OTOP1: variants seen among roughly 807,000 people sequenced by gnomAD.
The protein encoded by OTOP1 is otopetrin 1.
Under a neutral mutation model 52.9 loss-of-function variants are expected in OTOP1, and 59 were observed. The observed-to-expected ratio is 1.12, with a 90% confidence interval of 0.91 to 1.39. The LOEUF (loss-of-function observed/expected upper bound fraction) is 1.39, where lower values mean the gene tolerates loss of function less well. Ranked by LOEUF, OTOP1 falls within the 40% of genes most tolerant of loss-of-function variation. The pLI, the probability that OTOP1 is intolerant of heterozygous loss-of-function variation, is 0.00. For synonymous variants in OTOP1, 317 were observed against 337.7 expected (o/e 0.94, Z 0.67); for missense variants, 761 against 800.9 (o/e 0.95, Z 0.60).
intron 1 of OTOP1, among the ~76,000 whole-genome samples, chr4:4,225,413 A>T (rs566746249): frequency 6.6e-6 from 1 of 152,242 alleles, no homozygotes; most frequent in East Asian, 1.9e-4. Flanking sequence ...ACAAAATATA[A>T]CAAAACTTAG....
At chr4:4,209,758 C>T (rs926684018) in intron 2 of OTOP1, among the ~76,000 whole-genome samples, 1 of 152,168 alleles carries the variant, frequency 6.6e-6, no homozygotes, top group African/African-American at 2.4e-5. Flanking sequence ...TGAAGTCACA[C>T]AGCTGTGGTT....
chr4:4,211,733 C>T (rs894652883), intron 2 of OTOP1, among the ~76,000 whole-genome samples: 2 of 151,896 alleles, frequency 1.3e-5, no homozygotes, highest in East Asian at 1.9e-4. Context: ...CTGCACTCCA[C>T]CCTGGGCAAC....
chr4:4,214,125 T>C (rs191417314), intron 1 of OTOP1, among the ~76,000 whole-genome samples: 10 of 152,074 alleles, frequency 6.6e-5, no homozygotes, highest in East Asian at 5.8e-4. Context: ...CAAAAGCCAA[T>C]TGAAAAATTG....
intron 1 of OTOP1, among the ~76,000 whole-genome samples, chr4:4,215,531 C>T (rs1717124606): frequency 6.6e-6 from 1 of 151,986 alleles, no homozygotes; most frequent in South Asian, 2.1e-4. Context: ...TGTGGTGGTA[C>T]ATGCCTGTAA....
chr4:4,188,857 A>C lies in OTOP1; in HGVS notation c.1785T>G (p.Ile595Met). The C allele has an allele frequency of 1.1e-5, 17 of 1,613,970 alleles. No homozygotes were observed. Among genetic ancestry groups the C allele is most frequent in the Non-Finnish European group, 1.4e-5 (17 of 1,179,854 alleles). The change falls in exon 6 of 6, where the codon ATT (isoleucine) becomes ATG (methionine). Residue 595 changes from isoleucine (I) to methionine (M), a missense_variant. By Grantham distance (10) the Ile-to-Met change is conservative. Around this residue, in one of 3 missense-constraint regions of OTOP1, gnomAD observed 632 missense variants for 619.5 expected, o/e 1.02. Transcript: ENST00000296358. ...AGGCAGCTGCGTGCATTCGATAGAA[A>C]ATAGAAAAAGGCATGGCCAGGTTGA... The part of the protein sequence containing the change: ...IVVNLAMPFS[I>M]FYRMHAAASL...
chr4:4,208,722 A>G (rs1716962538), intron 2 of OTOP1, among the ~76,000 whole-genome samples: 1 of 152,226 alleles, frequency 6.6e-6, no homozygotes, highest in South Asian at 2.1e-4. Context: ...TGTACTTAAC[A>G]TTACTGAAAC....
intron 4 of OTOP1, 61 bp from the exon 5 acceptor site, chr4:4,198,164 A>G: frequency 7.0e-7 from 1 of 1,433,444 alleles, no homozygotes; most frequent in Non-Finnish European, 9.7e-7. Context: ...GGAACAGAAA[A>G]GCACAGAAAA....
At chr4:4,210,422 A>G (rs978056386) in intron 2 of OTOP1, among the ~76,000 whole-genome samples, 9 of 152,288 alleles carry the variant, frequency 5.9e-5, no homozygotes, top group African/African-American at 2.2e-4. Flanking sequence ...ATCCAAGATC[A>G]AGGTGTTGGT....
intron 3 of OTOP1, among the ~76,000 whole-genome samples, chr4:4,204,843 C>T (rs1716864548): frequency 6.6e-6 from 1 of 152,078 alleles, no homozygotes; most frequent in African/African-American, 2.4e-5. Flanking sequence ...GTGATCTCGG[C>T]TCACTGCAAC....
chr4:4,210,866 T>C (rs539529619), intron 2 of OTOP1, among the ~76,000 whole-genome samples: 2 of 152,240 alleles, frequency 1.3e-5, no homozygotes, highest in South Asian at 4.1e-4. Flanking sequence ...GCATATTGAA[T>C]TTGGGCCACC....
In OTOP1 at chr4:4,220,489, T is replaced by C. The variant is rs142742672; in HGVS notation, c.403+5973A>G. On this transcript the variant is annotated intron_variant, in intron 1 of 5. Transcript: ENST00000296358. ...CCAGCTGCCCATTTCCTACCACTTA[T>C]TAGTTGATGACCTTGGGCAATTACT... 9.2e-3 allele frequency among the ~76,000 whole-genome samples: 1,407 copies of C among 152,264 alleles called. 15 individuals are homozygous for C. Among genetic ancestry groups the C allele is most frequent in the Non-Finnish European group, 0.012 (834 of 68,016 alleles).
chr4:4,207,602 TATA>T (rs1716935204), intron 2 of OTOP1, among the ~76,000 whole-genome samples: 2 of 151,318 alleles, frequency 1.3e-5, no homozygotes, highest in Non-Finnish European at 3.0e-5. Context: ...TGGGTATATA[TATA>T]TATATATATC....
intron 1 of OTOP1, among the ~76,000 whole-genome samples, chr4:4,217,277 C>G (rs759319950): frequency 4.3e-4 from 65 of 152,212 alleles, no homozygotes; most frequent in Non-Finnish European, 2.6e-4. Context: ...GCTGTAGAAA[C>G]AAAAATATAC....
intron 1 of OTOP1, 102 bp downstream of exon 1, chr4:4,226,360 G>C (rs1368367357): frequency 2.0e-5 from 23 of 1,173,430 alleles, no homozygotes; most frequent in Admixed American, 3.8e-5. Flanking sequence ...GGCAGAAAAG[G>C]CTGAAGGGAA....
intron 5 of OTOP1, among the ~76,000 whole-genome samples, chr4:4,194,274 A>G (rs1268948708): frequency 1.3e-5 from 2 of 152,244 alleles, no homozygotes; most frequent in Non-Finnish European, 2.9e-5. Context: ...TCTGACTATA[A>G]GAATTTGTGT....
intron 5 of OTOP1, among the ~76,000 whole-genome samples, chr4:4,194,485 C>T (rs1176315481): frequency 6.6e-6 from 1 of 152,266 alleles, no homozygotes; most frequent in African/African-American, 2.4e-5. Context: ...CCCCTCCTCA[C>T]TGCCTAGCAA....
In OTOP1 at chr4:4,226,489, T is replaced by C. The variant is rs779633384; in HGVS notation, c.376A>G (p.Thr126Ala). Residue 126 changes from threonine (T) to alanine (A), a missense_variant, in exon 1 of 6, where the codon ACG becomes GCG. This residue lies in a region of OTOP1 where 632 missense variants were observed against 619.5 expected (regional missense o/e 1.02). Coordinates refer to ENST00000296358, the MANE Select transcript of OTOP1 (RefSeq NM_177998.3). ...CGCAGCCAGCCGGCACCCGCGTGCGTGTCCTTGAGGCGGAAGAGGCGGCGG... is the reference window on the plus strand; with the variant it reads ...CGCAGCCAGCCGGCACCCGCGTGCGCGTCCTTGAGGCGGAAGAGGCGGCGG... Reference protein sequence around the residue: ...AHRRLFRLKDTHAGAGWLRGS... With the variant: ...AHRRLFRLKDAHAGAGWLRGS... 27 of 1,561,380 alleles carry C rather than the reference T, an allele frequency of 1.7e-5. No individual in the cohort carries two copies. In the African/African-American group the frequency reaches 3.5e-4, roughly 20 times the overall value.
rs768285420 is a variant in OTOP1, at chr4:4,197,982, C to A, written c.852G>T (p.Met284Ile). 4.2e-5 allele frequency: 68 copies of A among 1,613,836 alleles called. No homozygotes were observed. The highest frequency in any genetic ancestry group is 5.7e-5 in the Non-Finnish European group (67 of 1,180,016). The change falls in exon 5 of 6, where the codon ATG (methionine) becomes ATT (isoleucine). Residue 284 changes from methionine to isoleucine, a missense_variant. Around this residue, in one of 3 missense-constraint regions of OTOP1, gnomAD observed 632 missense variants for 619.5 expected, o/e 1.02. Transcript: ENST00000296358. ...NIEYQILAST[M>I]LYVLWKNIGR... ...CGATGTTCTTCCACAGGACGTAGAG[C>A]ATTGTGGAGGCCAGGATCTGATACT...
At chr4:4,206,014 T>C in intron 3 of OTOP1, 58 bp downstream of exon 3, 4 of 1,467,102 alleles carry the variant, frequency 2.7e-6, no homozygotes, top group Non-Finnish European at 2.9e-6. Flanking sequence ...TGATGAGTTT[T>C]GAAAATTCTA....
Sources: allele counts gnomAD v4.1 joint callset (sites outside exome capture counted in the v4.1 genomes callset), GRCh38; gene constraint gnomAD v4.1.1; regional missense constraint gnomAD v4.1.1; transcripts MANE v1.5; gene names NCBI Gene and HGNC (gene_info 2026-07-23, HGNC 2026-07-21).